Variants in IRF7 observed in about 807,000 individuals in gnomAD.
IRF7 encodes interferon regulatory factor 7.
IRF7 carries 67 observed loss-of-function variants against 51.3 expected under a neutral mutation model. The observed-to-expected ratio is 1.31, with a 90% CI of 1.07 to 1.60. The LOEUF (loss-of-function observed/expected upper bound fraction) is 1.60, where lower values mean the gene tolerates loss of function less well. IRF7 is among the 40% of genes most tolerant of loss of function. The pLI is 0.00. For missense variants in IRF7, 873 were observed against 701.5 expected (o/e 1.24, Z -2.76); for synonymous variants, 427 against 301.3 (o/e 1.42, Z -4.32).
Position 613,072 on chromosome 11 carries a change from T to A in IRF7, c.1283A>T (p.Tyr428Phe). ...RARQRRGSPR[Y>F]TIYLGFGQDL... The stretch of plus-strand genomic sequence containing the variant: ...CTGCCCGAAGCCCAGGTAGATGGTA[T>A]AGCGTGGGGAGCCACGGCGCTGCCG... Residue 428 changes from tyrosine to phenylalanine, a missense_variant, in exon 10 of 11, where the codon TAT (tyrosine) becomes TTT (phenylalanine). By Grantham distance (22) the Tyr-to-Phe change is conservative (BLOSUM62 3). Coordinates refer to ENST00000525445, the MANE Select transcript of IRF7 (RefSeq NM_001572.5). The A allele has an allele frequency of 6.2e-7, 1 of 1,613,092 alleles. No homozygotes were observed. Among genetic ancestry groups the A allele is most frequent in the Non-Finnish European group, 8.5e-7 (1 of 1,179,992 alleles).
chr11:615,226 G>C lies in IRF7; in HGVS notation c.54C>G (p.Leu18=). 4 of 1,594,062 alleles carry C rather than the reference G, an allele frequency of 2.5e-6. No homozygotes were observed. The highest frequency in any genetic ancestry group is 3.4e-6 in the Non-Finnish European group (4 of 1,174,584). Residue 18 remains leucine, a synonymous_variant, in exon 3 of 11, where the codon CTC becomes CTG. Coordinates refer to ENST00000525445, the MANE Select transcript of IRF7 (RefSeq NM_001572.5). ...AGCAGCCGCTGCTGATCTCTCCAAG[G>C]AGCCACTCTCCGAACAGCACGCGTG... is the stretch of plus-strand genomic sequence containing the variant. ...AAPRVLFGEW[L]LGEISSGCYE...
chr11:614,925 G>A lies in IRF7; in HGVS notation c.266C>T (p.Ala89Val). Residue 89 changes from alanine to valine, a missense_variant, in exon 4 of 11, where the codon GCC (alanine) becomes GTC (valine). Ala to Val is a moderately conservative substitution (Grantham distance 64, BLOSUM62 0). Coordinates refer to ENST00000525445, the MANE Select transcript of IRF7 (RefSeq NM_001572.5). ...GCAGCGGAAGTTGGTTTTCCAGCCG[G>A]CGCGCTCCGCAGTCTCAGCCTCGGG... ...PPPEAETAER[A>V]GWKTNFRCAL... 1 of 1,583,400 alleles carries A rather than the reference G, an allele frequency of 6.3e-7. No homozygotes were observed. Among genetic ancestry groups the A allele is most frequent in the Middle Eastern group, 1.7e-4 (1 of 6,008 alleles).
intron 4 of IRF7, 122 bp from the exon 5 acceptor site, chr11:614,656 G>A: frequency 7.2e-7 from 1 of 1,383,212 alleles, no homozygotes; most frequent in Non-Finnish European, 9.8e-7. Context: ...GAGGAGGTGG[G>A]GATGTGGCTC....
In IRF7 at chr11:613,424, T is replaced by A. The variant is rs760713556; in HGVS notation, c.1019A>T (p.Gln340Leu). The A allele has an allele frequency of 1.3e-6, 2 of 1,566,694 alleles. No individual in the cohort carries two copies. The highest frequency in any genetic ancestry group is 2.4e-5 in the South Asian group (2 of 85,020). The change falls in exon 9 of 11, where the codon CAG becomes CTG. Residue 340 changes from glutamine to leucine, a missense_variant. Coordinates refer to ENST00000525445, the MANE Select transcript of IRF7 (RefSeq NM_001572.5). ...TTCCTCCGTGTAGCGCAGCTGCTTC[T>A]GGTCCGGGAGCTCGGCAGGGCTGGG... The part of the protein sequence containing the change: ...AFPSPAELPD[Q>L]KQLRYTEELL...
At chr11:613,712 TG>T in intron 8 of IRF7, 72 bp downstream of exon 8, 6 of 651,666 alleles carry the variant, frequency 9.2e-6, no homozygotes, top group Non-Finnish European at 1.2e-5. Flanking sequence ...ATGTGAGTGA[TG>T]GGTGGGCGGG....
chr11:614,787 C>T lies in IRF7; in HGVS notation c.394+10G>A, dbSNP rs1367443979. 3.3e-6 allele frequency: 5 copies of T among 1,530,402 alleles called. No homozygotes were observed. The highest frequency in any genetic ancestry group is 1.4e-5 in the African/African-American group (1 of 72,294). The allele number at this position is 1,530,402 out of a possible 1,614,324, so 94.8% of individuals were successfully genotyped here. A position where few individuals can be genotyped will look rare whatever the true frequency, so the allele number is the denominator to read the frequency against. On this transcript the variant is annotated intron_variant, in intron 4 of 10. Coordinates refer to ENST00000525445, the MANE Select transcript of IRF7 (RefSeq NM_001572.5). Reference sequence around the variant, plus strand: ...GAATGCCAACGCCCTTGGCAGCCGGCGTCGCTCACCTCGCCAGCACAGCTC... The same window carrying T: ...GAATGCCAACGCCCTTGGCAGCCGGTGTCGCTCACCTCGCCAGCACAGCTC...
chr11:613,283 G>T lies in IRF7; in HGVS notation c.1160C>A (p.Ala387Asp). The T allele has an allele frequency of 6.2e-7, 1 of 1,608,442 alleles. No individual in the cohort carries two copies. Among genetic ancestry groups the T allele is most frequent in the South Asian group, 1.1e-5 (1 of 90,646 alleles). Residue 387 changes from alanine to aspartate, a missense_variant, in exon 9 of 11, where the codon GCC becomes GAC. Transcript: ENST00000525445. ...YWEVGGPPGS[A>D]SPSTPACLLP... ...CAGGCAGGCTGGGGTGGAGGGGCTGGCGGAGCCTGGGGGTCCGCCCACCTC... is the reference window on the plus strand; with the variant it reads ...CAGGCAGGCTGGGGTGGAGGGGCTGTCGGAGCCTGGGGGTCCGCCCACCTC...
At chr11:613,729 GCCGTGAGTGACGGGGGTGGGCGGGGA>G in intron 8 of IRF7, 30 bp downstream of exon 8, 2 of 1,074,582 alleles carry the variant, frequency 1.9e-6, no homozygotes, top group Non-Finnish European at 2.4e-6. Context: ...GCGGGGACAA[GCCGTGAGTGACGGGGGTGGGCGGGGA>G]CAGGCTGCCC....
In IRF7 at chr11:613,385, A is replaced by G; in HGVS notation, c.1058T>C (p.Val353Ala). The change falls in exon 9 of 11, where the codon GTG becomes GCG. Residue 353 changes from valine to alanine, a missense_variant. By Grantham distance (64) the Val-to-Ala change is moderately conservative (BLOSUM62 0). Transcript: ENST00000525445. The stretch of plus-strand genomic sequence containing the variant: ...AAGCTCCAGGTGCAACCCAGGGGCC[A>G]CGTGCCGCAGCAGTTCCTCCGTGTA... ...LRYTEELLRH[V>A]APGLHLELRG... 1 of 1,600,880 alleles carries G rather than the reference A, an allele frequency of 6.2e-7. No homozygotes were observed. Among genetic ancestry groups the G allele is most frequent in the Non-Finnish European group, 8.5e-7 (1 of 1,175,586 alleles).
rs768476507 is a variant in IRF7, at chr11:615,084, C to T, written c.183+13G>A. On this transcript the variant is annotated intron_variant, in intron 3 of 10. Transcript: ENST00000525445. ...CTCTCCCACCCGGGGCGGGGCGGGG[C>T]TGGGGTCCCCACCTTGAAGATGCGC... 4 of 1,572,750 alleles carry T rather than the reference C, an allele frequency of 2.5e-6. No individual in the cohort carries two copies. The highest frequency in any genetic ancestry group is 1.7e-4 in the Middle Eastern group (1 of 5,924).
chr11:615,302 C>T, intron 2 of IRF7, 43 bp from the exon 3 acceptor site: 1 of 1,570,316 alleles, frequency 6.4e-7, no homozygotes, highest in Non-Finnish European at 8.6e-7. Context: ...GGCTGCAGGG[C>T]GCTCGGGGAC....
Position 614,471 on chromosome 11 carries a change from G to A in IRF7, c.453+5C>T, listed in dbSNP as rs371670587. 448 of 1,567,038 alleles carry A rather than the reference G, an allele frequency of 2.9e-4. No individual in the cohort carries two copies. Among genetic ancestry groups the A allele is most frequent in the Admixed American group, 1.3e-3 (70 of 52,672 alleles). On this transcript the variant is annotated splice_donor_5th_base_variant and intron_variant, in intron 5 of 10. Coordinates refer to ENST00000525445, the MANE Select transcript of IRF7 (RefSeq NM_001572.5). ...AGGAGGAGAGGCAGGCAGAGAGAAG[G>A]GTACCTGTGGTGGTGGGACAGCTGC...
In IRF7 at chr11:614,226, C is replaced by T; in HGVS notation, c.627G>A (p.Lys209=). The change falls in exon 6 of 11, where the codon AAG becomes AAA. Residue 209 remains lysine, a synonymous_variant. Coordinates refer to ENST00000525445, the MANE Select transcript of IRF7 (RefSeq NM_001572.5). ...ASWGADPVPT[K]APGEGQEGLP... ...GCCCTTCTTGTCCCTCTCCAGGAGC[C>T]TTGGTTGGGACTGGATCTGCCCCCC... 2 of 1,613,122 alleles carry T rather than the reference C, an allele frequency of 1.2e-6. No homozygotes were observed. The highest frequency in any genetic ancestry group is 1.7e-5 in the Admixed American group (1 of 60,006).
Position 613,364 on chromosome 11 carries a change from T to G in IRF7, c.1079A>C (p.Glu360Ala). 1.2e-6 allele frequency: 2 copies of G among 1,610,186 alleles called. No homozygotes were observed. Among genetic ancestry groups the G allele is most frequent in the Non-Finnish European group, 1.7e-6 (2 of 1,179,054 alleles). ...LRHVAPGLHL[E>A]LRGPQLWARR... ...GGCCCACAGCTGTGGCCCCCGAAGC[T>G]CCAGGTGCAACCCAGGGGCCACGTG... is the stretch of plus-strand genomic sequence containing the variant. Residue 360 changes from glutamate to alanine, a missense_variant, in exon 9 of 11, where the codon GAG (glutamate) becomes GCG (alanine). Coordinates refer to ENST00000525445, the MANE Select transcript of IRF7 (RefSeq NM_001572.5).
At chr11:613,183 C>A in intron 9 of IRF7, 23 bp downstream of exon 9, 1 of 1,594,166 alleles carries the variant, frequency 6.3e-7, no homozygotes, top group Non-Finnish European at 8.6e-7. Context: ...GGAGACAGCC[C>A]CCCAGGCAAG....
At chr11:613,725 A>C (rs1856603849) in intron 8 of IRF7, 60 bp downstream of exon 8, 1 of 1,019,936 alleles carries the variant, frequency 9.8e-7, no homozygotes, top group Non-Finnish European at 1.3e-6. Flanking sequence ...GTGGGCGGGG[A>C]CAAGCCGTGA....
At chr11:614,565 C>T (rs778244489) in intron 4 of IRF7, 31 bp from the exon 5 acceptor site, 12 of 1,549,736 alleles carry the variant, frequency 7.7e-6, no homozygotes, top group East Asian at 7.3e-5. Context: ...CGTTAGGCCC[C>T]GACACCAGAG....
At position 613,824 on chromosome 11, in the gene IRF7, ACGGCTCTGCCTGGTG is replaced by A; in HGVS notation, c.793_807del (p.His265_Pro269del). ...CAGGCGCTTGGGGAGGGTGACAGGTACGGCTCTGCCTGGTGCGGGGACTCTGGGGCCGCGGCCTCG... is the reference window on the plus strand; with the variant it reads ...CAGGCGCTTGGGGAGGGTGACAGGTACGGGGACTCTGGGGCCGCGGCCTCG... On this transcript the variant is annotated inframe_deletion, in exon 8 of 11. Transcript: ENST00000525445. 6.3e-7 allele frequency: 1 copy of A among 1,586,784 alleles called. No homozygotes were observed. Among genetic ancestry groups the A allele is most frequent in the Non-Finnish European group, 8.5e-7 (1 of 1,171,450 alleles).
chr11:612,895 C>G, intron 10 of IRF7, 95 bp from the exon 11 acceptor site: 1 of 1,589,010 alleles, frequency 6.3e-7, no homozygotes. Flanking sequence ...TGTCAGTGAC[C>G]CGGTGTATGG....
Sources: allele counts gnomAD v4.1 joint callset, GRCh38; gene constraint gnomAD v4.1.1; transcripts MANE v1.5; gene names NCBI Gene and HGNC (gene_info 2026-07-23, HGNC 2026-07-21).